The following DLGAP2 variants were observed in gnomAD, a reference collection of about 807,000 sequenced individuals.
The protein encoded by DLGAP2 is DLG associated protein 2.
DLGAP2 carries 26 observed loss-of-function variants against 100.3 expected under a neutral mutation model. The observed-to-expected ratio is 0.26, with a 90% CI of 0.19 to 0.36. DLGAP2 has a LOEUF of 0.36. Ranked by LOEUF, DLGAP2 falls within the 10% of genes least tolerant of loss-of-function variation. DLGAP2 has a pLI of 1.00. For missense variants in DLGAP2, 1,858 were observed against 1,453.2 expected, an observed-to-expected ratio of 1.28 and a Z score of -4.53; for synonymous variants, 886 against 630.1, an observed-to-expected ratio of 1.41 and a Z score of -6.08.
chr8:1,488,963 T>C (rs1799300002), intron 3 of DLGAP2, among the ~76,000 whole-genome samples: 1 of 152,192 alleles, frequency 6.6e-6, no homozygotes, highest in African/African-American at 2.4e-5. Context: ...AGAAACTGAT[T>C]ACAGGAAGAC....
At chr8:1,669,641 C>G (rs538204051) in intron 9 of DLGAP2, 102 bp from the exon 10 acceptor site, 8 of 768,346 alleles carry the variant, frequency 1.0e-5, no homozygotes, top group Non-Finnish European at 1.9e-5. Flanking sequence ...GCCCGTGCGG[C>G]GCTGGTAGCT....
At chr8:800,459 T>G (rs191174666) in intron 1 of DLGAP2, among the ~76,000 whole-genome samples, 239 of 152,278 alleles carry the variant, frequency 1.6e-3, no homozygotes, top group African/African-American at 5.6e-3. Context: ...CTGGCTCTCA[T>G]GGCGGAGCAG....
At chr8:1,142,314 C>T (rs1040089182) in intron 2 of DLGAP2, among the ~76,000 whole-genome samples, 11 of 152,102 alleles carry the variant, frequency 7.2e-5, no homozygotes, top group African/African-American at 2.7e-4. Flanking sequence ...GACACAGAAG[C>T]CATGAGTTCT....
chr8:1,655,195 G>T (rs1003581393), intron 8 of DLGAP2, among the ~76,000 whole-genome samples: 1 of 152,194 alleles, frequency 6.6e-6, no homozygotes, highest in Non-Finnish European at 1.5e-5. Flanking sequence ...TATGCTTGTG[G>T]GATGTGACTT....
chr8:1,033,034 C>G (rs1040614196), intron 2 of DLGAP2: 1 of 152,262 alleles, frequency 6.6e-6, no homozygotes, highest in African/African-American at 2.4e-5. Context: ...GACAGTAAAT[C>G]TGCAAATGAT....
At chr8:1,417,726 G>GGGGGGCACGGGGGGCCCCACTCCTGCCTC (rs1796967566) in intron 3 of DLGAP2, among the ~76,000 whole-genome samples, 13 of 142,584 alleles carry the variant, frequency 9.1e-5, no homozygotes, top group African/African-American at 3.4e-4. Flanking sequence ...CGAGGCTCCA[G>GGGGGGCACGGGGGGCCCCACTCCTGCCTC]ACACAGAAGC....
At position 1,701,558 on chromosome 8, in the gene DLGAP2, G is replaced by T; in HGVS notation, c.*152G>T. On this transcript the variant is annotated 3_prime_UTR_variant, in exon 15 of 15. Coordinates refer to ENST00000637795, the MANE Select transcript of DLGAP2 (RefSeq NM_001346810.2). ...CCCCGGACACAGCGGGACGCGGCCGGCGGCCTCAGAGTCCACGGAGCTCGC... is the reference window on the plus strand; with the variant it reads ...CCCCGGACACAGCGGGACGCGGCCGTCGGCCTCAGAGTCCACGGAGCTCGC... The T allele has an allele frequency of 1.2e-6, 1 of 836,646 alleles. No homozygotes were observed. The highest frequency in any genetic ancestry group is 1.8e-6 in the Non-Finnish European group (1 of 556,052). The allele number at this position is 836,646 out of a possible 1,614,324, so 51.8% of individuals were successfully genotyped here. A position where few individuals can be genotyped will look rare whatever the true frequency, so the allele number is the denominator to read the frequency against.
At chr8:1,303,147 C>G (rs547060392) in intron 3 of DLGAP2, among the ~76,000 whole-genome samples, 43 of 152,280 alleles carry the variant, frequency 2.8e-4, no homozygotes, top group Middle Eastern at 3.4e-3. Flanking sequence ...CCTGTAATCC[C>G]AGCACTTTGG....
intron 2 of DLGAP2, among the ~76,000 whole-genome samples, chr8:938,015 T>C (rs971808237): frequency 2.0e-5 from 3 of 152,134 alleles, no homozygotes; most frequent in Admixed American, 6.5e-5. Flanking sequence ...TCTGGCCTTG[T>C]GTCTCAGACA....
intron 2 of DLGAP2, among the ~76,000 whole-genome samples, chr8:1,235,508 G>C (rs574976288): frequency 1.4e-5 from 2 of 146,458 alleles, no homozygotes; most frequent in African/African-American, 5.1e-5. Flanking sequence ...GTCATGTCTA[G>C]TTCTCTCTCA....
At chr8:1,062,836 A>T (rs1390750676) in intron 2 of DLGAP2, among the ~76,000 whole-genome samples, 1 of 152,164 alleles carries the variant, frequency 6.6e-6, no homozygotes, top group Admixed American at 6.5e-5. Flanking sequence ...ACGGTGCTGT[A>T]ATTCTAAGGA....
chr8:1,044,463 G>C (rs952364035), intron 2 of DLGAP2, among the ~76,000 whole-genome samples: 1 of 152,202 alleles, frequency 6.6e-6, no homozygotes, highest in Non-Finnish European at 1.5e-5. Flanking sequence ...CCGCACCTGC[G>C]TGACCACCTG....
At chr8:836,439 A>C (rs1355397660) in intron 1 of DLGAP2, among the ~76,000 whole-genome samples, 1 of 152,166 alleles carries the variant, frequency 6.6e-6, no homozygotes, top group Non-Finnish European at 1.5e-5. Context: ...TAGGTCCTGC[A>C]GGCGCCCTGG....
At chr8:853,961 T>A (rs1797228845) in intron 1 of DLGAP2, among the ~76,000 whole-genome samples, 1 of 152,058 alleles carries the variant, frequency 6.6e-6, no homozygotes, top group African/African-American at 2.4e-5. Flanking sequence ...AGTGCCTTTT[T>A]AAAAGGGACC....
chr8:1,194,063 C>G (rs182398428), intron 2 of DLGAP2, among the ~76,000 whole-genome samples: 2 of 152,122 alleles, frequency 1.3e-5, no homozygotes, highest in Non-Finnish European at 2.9e-5. Flanking sequence ...GTCAACGTGA[C>G]AGGTGTGAAC....
chr8:1,603,824 C>T (rs1295144466), intron 6 of DLGAP2, among the ~76,000 whole-genome samples: 1 of 152,170 alleles, frequency 6.6e-6, no homozygotes, highest in African/African-American at 2.4e-5. Flanking sequence ...CCACATCATC[C>T]TCCCCATGCG....
intron 2 of DLGAP2, among the ~76,000 whole-genome samples, chr8:1,130,008 C>G (rs1796252766): frequency 6.6e-6 from 1 of 152,190 alleles, no homozygotes; most frequent in South Asian, 2.1e-4. Flanking sequence ...TCAAGGGATC[C>G]TGCGCGTGTA....
intron 12 of DLGAP2, among the ~76,000 whole-genome samples, chr8:1,690,029 T>C (rs558563429): frequency 6.6e-6 from 1 of 152,286 alleles, no homozygotes; most frequent in African/African-American, 2.4e-5. Context: ...AGCAGCTGTT[T>C]ACAAAGTGGT....
chr8:1,410,186 C>T (rs551866078), intron 3 of DLGAP2, among the ~76,000 whole-genome samples: 33 of 152,214 alleles, frequency 2.2e-4, no homozygotes, highest in African/African-American at 6.7e-4. Context: ...CTGCAAGCTT[C>T]GATCAGGGCC....
Sources: allele counts gnomAD v4.1 joint callset (sites outside exome capture counted in the v4.1 genomes callset), GRCh38; gene constraint gnomAD v4.1.1; transcripts MANE v1.5; gene names NCBI Gene and HGNC (gene_info 2026-07-23, HGNC 2026-07-21).